The following TMCC1 variants were observed in gnomAD, a reference collection of about 807,000 sequenced individuals.
The protein encoded by TMCC1 is transmembrane and coiled-coil domain family 1.
In TMCC1, 15 loss-of-function variants were observed where a neutral mutation model predicts 52.4. The ratio of observed to expected loss-of-function variants is 0.29; its 90% CI spans 0.19 to 0.44. TMCC1 has a LOEUF of 0.44. Ranked by LOEUF, TMCC1 falls within the 20% of genes least tolerant of loss-of-function variation. The pLI is 1.00. For synonymous variants in TMCC1, 279 were observed against 301.9 expected (o/e 0.92, Z 0.79); for missense variants, 503 against 806.0 (o/e 0.62, Z 4.55).
intron 4 of TMCC1, among the ~76,000 whole-genome samples, chr3:129,672,291 G>C (rs551937381): frequency 6.6e-6 from 1 of 152,294 alleles, no homozygotes; most frequent in South Asian, 2.1e-4. Context: ...AGGTCCCAAA[G>C]AAGAAGGCTC....
chr3:129,673,743 C>G (rs1576395442), intron 4 of TMCC1, among the ~76,000 whole-genome samples: 1 of 151,732 alleles, frequency 6.6e-6, no homozygotes, highest in Non-Finnish European at 1.5e-5. Context: ...CCCAGCTGCT[C>G]AGGAGGCTGA....
At chr3:129,869,441 C>T (rs753755297) in intron 2 of TMCC1, among the ~76,000 whole-genome samples, 4 of 152,088 alleles carry the variant, frequency 2.6e-5, no homozygotes, top group African/African-American at 7.2e-5. Flanking sequence ...GAAGGGGTCA[C>T]GAGAACCCCT....
intron 2 of TMCC1, among the ~76,000 whole-genome samples, chr3:129,869,793 T>C (rs2060828342): frequency 6.6e-6 from 1 of 152,230 alleles, no homozygotes; most frequent in African/African-American, 2.4e-5. Flanking sequence ...CAAGAACAGT[T>C]GCCACTAAAA....
At chr3:129,838,420 G>GAAAAAGAA (rs1183181638) in intron 2 of TMCC1, among the ~76,000 whole-genome samples, 2 of 149,788 alleles carry the variant, frequency 1.3e-5, no homozygotes, top group Non-Finnish European at 3.0e-5. Flanking sequence ...AAAAATAAAA[G>GAAAAAGAA]AAAAAGAAAA....
Position 129,860,040 on chromosome 3 carries a change from G to A in TMCC1, c.-184+20269C>T, listed in dbSNP as rs560097262. 2.6e-5 allele frequency among the ~76,000 whole-genome samples: 4 copies of A among 152,202 alleles called. No homozygotes were observed. The East Asian group carries it at 7.7e-4, about 29-fold the overall frequency. ...CAAGGGTTTCAGGACATAAAGCAAA[G>A]AAGAAAATAATTACTGATAGTTTAT... On this transcript the variant is annotated intron_variant, in intron 2 of 6. Transcript: ENST00000393238.
In TMCC1 at chr3:129,860,280, G is replaced by A. The variant is rs1344032084; in HGVS notation, c.-184+20029C>T. On this transcript the variant is annotated intron_variant, in intron 2 of 6. Transcript: ENST00000393238. ...ATAGAGATGAGGTCTCTATTGCCCA[G>A]GCTGGTCTCAAACTCCTGAGCTCCA... Among the ~76,000 whole-genome samples the A allele has an allele frequency of 2.0e-5, 3 of 151,650 alleles. No homozygotes were observed. The South Asian group carries it at 6.2e-4, about 32-fold the overall frequency.
At chr3:129,728,756 TA>T (rs1484469938) in intron 4 of TMCC1, among the ~76,000 whole-genome samples, 1 of 152,210 alleles carries the variant, frequency 6.6e-6, no homozygotes, top group Non-Finnish European at 1.5e-5. Context: ...ACCCCACCAC[TA>T]ACCCTTAACT....
chr3:129,779,103 C>T lies in TMCC1; in HGVS notation c.576+48700G>A, dbSNP rs564867204. ...TGAATTACAGCACAACATTCTCTAT[C>T]ATAATACAGTATACAGAGACTTCCT... On this transcript the variant is annotated intron_variant, in intron 4 of 6. Transcript: ENST00000393238. Among the ~76,000 whole-genome samples the T allele has an allele frequency of 3.3e-3, 505 of 152,076 alleles. 8 individuals are homozygous for T. Among genetic ancestry groups the T allele is most frequent in the Non-Finnish European group, 4.9e-3 (336 of 67,988 alleles).
chr3:129,774,411 C>T (rs1055455692), intron 4 of TMCC1, among the ~76,000 whole-genome samples: 2 of 152,172 alleles, frequency 1.3e-5, no homozygotes, highest in Admixed American at 6.5e-5. Flanking sequence ...TACCTTTCTT[C>T]CCACAGCTCA....
rs572274118 is a variant in TMCC1, at chr3:129,696,973, G to A, written c.577-25709C>T. On this transcript the variant is annotated intron_variant, in intron 4 of 6. Coordinates refer to ENST00000393238, the MANE Select transcript of TMCC1 (RefSeq NM_001017395.5). The stretch of plus-strand genomic sequence containing the variant: ...CTCCTGGGTGCTTTCATGGGGTGGC[G>A]TTAGGTGTCTGCAGCTTTTCCAGGT... Among the ~76,000 whole-genome samples the A allele has an allele frequency of 9.8e-5, 15 of 152,342 alleles. No individual in the cohort carries two copies. In the East Asian group the frequency reaches 1.4e-3, roughly 14 times the overall value.
rs1178197789 is a variant in TMCC1 at position 129,735,968 on chromosome 3, A to G, written c.577-64704T>C. ...GAACATCAGAGAAAGAAAAGTCTAC[A>G]TGGAGTAGAGCCGAAAGACCTGCTC... is the stretch of plus-strand genomic sequence containing the variant. On this transcript the variant is annotated intron_variant, in intron 4 of 6. Coordinates refer to ENST00000393238, the MANE Select transcript of TMCC1 (RefSeq NM_001017395.5). Among the ~76,000 whole-genome samples the G allele has an allele frequency of 2.6e-5, 4 of 152,236 alleles. No homozygotes were observed. The East Asian group carries it at 5.8e-4, about 22-fold the overall frequency.
intron 5 of TMCC1, among the ~76,000 whole-genome samples, chr3:129,669,738 T>A (rs964718140): frequency 5.9e-5 from 9 of 152,334 alleles, no homozygotes; most frequent in East Asian, 1.9e-4. Context: ...AGTGTAATAT[T>A]AAACACAAAA....
chr3:129,878,670 C>T (rs755530757), intron 2 of TMCC1, among the ~76,000 whole-genome samples: 1 of 152,128 alleles, frequency 6.6e-6, no homozygotes, highest in Non-Finnish European at 1.5e-5. Context: ...ATCATGTCAC[C>T]CTGCCCAAAC....
At chr3:129,740,179 A>G (rs1053515150) in intron 4 of TMCC1, among the ~76,000 whole-genome samples, 1 of 152,122 alleles carries the variant, frequency 6.6e-6, no homozygotes, top group Non-Finnish European at 1.5e-5. Flanking sequence ...CCCAATATAT[A>G]CTAGTTACCT....
intron 4 of TMCC1, among the ~76,000 whole-genome samples, chr3:129,797,264 T>A (rs2056891974): frequency 6.6e-6 from 1 of 151,190 alleles, no homozygotes; most frequent in Admixed American, 6.6e-5. Context: ...AAGCGGAGCT[T>A]GCAGTGAGCC....
chr3:129,769,298 C>T (rs2054361637), intron 4 of TMCC1, among the ~76,000 whole-genome samples: 1 of 152,134 alleles, frequency 6.6e-6, no homozygotes, highest in South Asian at 2.1e-4. Flanking sequence ...GGTGCGAACT[C>T]GGCTCACTGC....
chr3:129,833,250 G>C (rs1560511237), intron 2 of TMCC1, among the ~76,000 whole-genome samples: 1 of 151,838 alleles, frequency 6.6e-6, no homozygotes, highest in Non-Finnish European at 1.5e-5. Flanking sequence ...TTCCTAATCT[G>C]TATCTGCCAT....
At chr3:129,751,347 T>G (rs147627724) in intron 4 of TMCC1, among the ~76,000 whole-genome samples, 1 of 151,876 alleles carries the variant, frequency 6.6e-6, no homozygotes, top group Admixed American at 6.6e-5. Flanking sequence ...CTGGGCAACA[T>G]AGTAAGACCT....
intron 4 of TMCC1, among the ~76,000 whole-genome samples, chr3:129,758,824 C>A (rs890687451): frequency 1.3e-5 from 2 of 152,120 alleles, no homozygotes; most frequent in Admixed American, 6.5e-5. Flanking sequence ...AAACAATTCC[C>A]CATTTCCCTC....
Sources: allele counts gnomAD v4.1 joint callset (sites outside exome capture counted in the v4.1 genomes callset), GRCh38; gene constraint gnomAD v4.1.1; transcripts MANE v1.5; gene names NCBI Gene and HGNC (gene_info 2026-07-23, HGNC 2026-07-21).